C1R: variants seen among roughly 807,000 people sequenced by gnomAD.
The protein encoded by C1R is complement C1r subcomponent.
Under a neutral mutation model 27.6 loss-of-function variants are expected in C1R, and 15 were observed. The ratio of observed to expected loss-of-function variants is 0.54; its 90% CI spans 0.36 to 0.84. The LOEUF (loss-of-function observed/expected upper bound fraction) is 0.84. Ranked by LOEUF, C1R falls within the 40% of genes least tolerant of loss-of-function variation. The probability of loss-of-function intolerance (pLI) is 0.01; values close to 1 mark genes in which losing one functional copy is unlikely to be tolerated. For missense variants in C1R, 544 were observed against 577.9 expected (o/e 0.94, Z 0.60); for synonymous variants, 253 against 228.8 (o/e 1.11, Z -0.95).
Position 7,088,327 on chromosome 12 carries a change from C to T in C1R, c.1038+283G>A, listed in dbSNP as rs757190456. On this transcript the variant is annotated intron_variant, in intron 7 of 10. Coordinates refer to ENST00000647956, the MANE Select transcript of C1R (RefSeq NM_001733.7). ...GGCCCTCATCTTCAGTATTTATTTG[C>T]TTATTTTTATTTTTCAGAGACAGAG... 8 of 647,828 alleles carry T rather than the reference C, an allele frequency of 1.2e-5. No homozygotes were observed. The South Asian group carries it at 1.4e-4, about 11-fold the overall frequency. The allele number at this position is 647,828 out of a possible 1,614,324, so 40.1% of individuals were successfully genotyped here.
chr12:7,080,219 TG>T lies in C1R; in HGVS notation c.*312del. 1 of 863,036 alleles carries T rather than the reference TG, an allele frequency of 1.2e-6. No homozygotes were observed. Among genetic ancestry groups the T allele is most frequent in the Non-Finnish European group, 1.4e-6 (1 of 704,012 alleles). The allele number at this position is 863,036 out of a possible 1,614,324, so 53.5% of individuals were successfully genotyped here. A position where few individuals can be genotyped will look rare whatever the true frequency, so the allele number is the denominator to read the frequency against. On this transcript the variant is annotated 3_prime_UTR_variant, in exon 11 of 11. Transcript: ENST00000647956. The surrounding 1 kb of genome is among the most constrained non-coding windows in gnomAD (Gnocchi z 4.9). ...ACAACTTTTGACTCATTTTGCACAC[TG>T]GCATTTCTCATAAAACTTTATTTGG...
In C1R at chr12:7,090,456, G is replaced by A. The variant is rs114496442; in HGVS notation, c.232-208C>T. On this transcript the variant is annotated intron_variant, in intron 2 of 10. Coordinates refer to ENST00000647956, the MANE Select transcript of C1R (RefSeq NM_001733.7). Reference sequence around the variant, plus strand: ...AGTCTCCCACTGACTCACTCTTTGCGTGTTGTCCTGGACTGGGTACCTCAC... The same window carrying A: ...AGTCTCCCACTGACTCACTCTTTGCATGTTGTCCTGGACTGGGTACCTCAC... 1.6e-3 allele frequency: 925 copies of A among 585,012 alleles called. 9 individuals are homozygous for A. The highest frequency in any genetic ancestry group is 0.015 in the African/African-American group (784 of 53,626). The allele number at this position is 585,012 out of a possible 1,614,324, so 36.2% of individuals were successfully genotyped here. A position where few individuals can be genotyped will look rare whatever the true frequency, so the allele number is the denominator to read the frequency against.
At chr12:7,081,983 T>G in intron 10 of C1R, 49 bp downstream of exon 10, 1 of 1,502,896 alleles carries the variant, frequency 6.7e-7, no homozygotes, top group Non-Finnish European at 8.9e-7. Flanking sequence ...TTTGAGGCCC[T>G]GCAGGCTGCT....
rs1244966211 is a variant in C1R at position 7,080,575 on chromosome 12, T to C, written c.2075A>G (p.Asn692Ser). The C allele has an allele frequency of 1.9e-6, 3 of 1,601,342 alleles. No homozygotes were observed. The highest frequency in any genetic ancestry group is 1.7e-5 in the Admixed American group (1 of 59,490). ...CTCTTTCTTGATCCAGTCCACGTAG[T>C]TGAGCACTTTGGTGTAGAAGCCATA... ...RGYGFYTKVL[N>S]YVDWIKKEME... The change falls in exon 11 of 11, where the codon AAC (asparagine) becomes AGC (serine). Residue 692 changes from asparagine to serine, a missense_variant. Asn to Ser is a conservative substitution (Grantham distance 46, BLOSUM62 1). Transcript: ENST00000647956. This position sits in a 1 kb window ranked among gnomAD's most constrained non-coding sequence, Gnocchi z 4.9.
chr12:7,088,032 G>T (rs753843851), intron 7 of C1R, among the ~76,000 whole-genome samples: 1 of 152,258 alleles, frequency 6.6e-6, no homozygotes, highest in South Asian at 2.1e-4. Context: ...GACGGTGGGC[G>T]CAGGGGGAGA....
At chr12:7,092,178 C>T (rs1938292547) in intron 1 of C1R, 1 of 634,290 alleles carries the variant, frequency 1.6e-6, no homozygotes, top group Admixed American at 2.5e-5. Flanking sequence ...GAAGAAAGGA[C>T]CATGGCATGA....
chr12:7,082,498 A>AT (rs1938082750), intron 9 of C1R, among the ~76,000 whole-genome samples: 1 of 151,866 alleles, frequency 6.6e-6, no homozygotes, highest in African/African-American at 2.4e-5. Context: ...TGCCCGGCTA[A>AT]TTTTTTGTAT....
Position 7,088,550 on chromosome 12 carries a change from C to A in C1R, c.1038+60G>T, listed in dbSNP as rs754535067. On this transcript the variant is annotated intron_variant, in intron 7 of 10. Coordinates refer to ENST00000647956, the MANE Select transcript of C1R (RefSeq NM_001733.7). ...TGAGACTAAATCCTCTGTGAACCCACCACCTGAATTCCTCCTGGGGTGCTG... is the reference window on the plus strand; with the variant it reads ...TGAGACTAAATCCTCTGTGAACCCAACACCTGAATTCCTCCTGGGGTGCTG... The A allele has an allele frequency of 9.5e-5, 68 of 718,514 alleles. 1 individual carries two copies. In the South Asian group the frequency reaches 9.6e-4, roughly 10 times the overall value. The allele number at this position is 718,514 out of a possible 1,614,324, so 44.5% of individuals were successfully genotyped here. A position where few individuals can be genotyped will look rare whatever the true frequency, so the allele number is the denominator to read the frequency against.
intron 2 of C1R, among the ~76,000 whole-genome samples, chr12:7,090,696 C>G (rs1365090274): frequency 6.6e-6 from 1 of 152,188 alleles, no homozygotes; most frequent in Non-Finnish European, 1.5e-5. Context: ...CTGATGCCCT[C>G]GGCGGAACAT....
chr12:7,081,564 C>T, intron 10 of C1R, among the ~76,000 whole-genome samples: 1 of 151,804 alleles, frequency 6.6e-6, no homozygotes, highest in Middle Eastern at 3.2e-3. Flanking sequence ...GCGATTTCAG[C>T]TCACTGCAAC....
At chr12:7,089,889 C>A in intron 3 of C1R, 156 bp from the exon 4 acceptor site, 1 of 710,306 alleles carries the variant, frequency 1.4e-6, no homozygotes, top group Non-Finnish European at 2.6e-6. Flanking sequence ...GGGACTGCTC[C>A]ATGGGGACAG....
chr12:7,086,718 C>T (rs1440796503), intron 7 of C1R: 22 of 327,556 alleles, frequency 6.7e-5, no homozygotes, highest in Non-Finnish European at 1.0e-4. Flanking sequence ...TCTCTCTAGA[C>T]TGTGGCCTGT....
chr12:7,083,333 T>A (rs993935961), intron 9 of C1R, among the ~76,000 whole-genome samples: 107 of 1,870 alleles, frequency 0.057, 1 homozygote, highest in South Asian at 0.25. Flanking sequence ...GGTAATGGTG[T>A]TGGTGGTGAT....
At position 7,081,310 on chromosome 12, in the gene C1R, G is replaced by A. The variant is rs779579504; in HGVS notation, c.1349-9C>T. On this transcript the variant is annotated splice_polypyrimidine_tract_variant and intron_variant, in intron 10 of 10. Transcript: ENST00000647956. Reference sequence around the variant, plus strand: ...CACGGGCTTCCCACACACTGAGGGAGAGACAGGGAAGACAAGGGCAAGTCA... The same window carrying A: ...CACGGGCTTCCCACACACTGAGGGAAAGACAGGGAAGACAAGGGCAAGTCA... 5.0e-6 allele frequency: 8 copies of A among 1,606,272 alleles called. No individual in the cohort carries two copies. Among genetic ancestry groups the A allele is most frequent in the Admixed American group, 1.7e-5 (1 of 58,900 alleles).
At position 7,080,565 on chromosome 12, in the gene C1R, G is replaced by A. The variant is rs773573919; in HGVS notation, c.2085C>T (p.Asp695=). Reference sequence around the variant, plus strand: ...CCTCCTCCATCTCTTTCTTGATCCAGTCCACGTAGTTGAGCACTTTGGTGT... The same window carrying A: ...CCTCCTCCATCTCTTTCTTGATCCAATCCACGTAGTTGAGCACTTTGGTGT... The part of the protein sequence containing the change: ...GFYTKVLNYV[D]WIKKEMEEED The change falls in exon 11 of 11, where the codon GAC becomes GAT. Residue 695 remains aspartate, a synonymous_variant. Coordinates refer to ENST00000647956, the MANE Select transcript of C1R (RefSeq NM_001733.7). This position sits in a 1 kb window ranked among gnomAD's most constrained non-coding sequence, Gnocchi z 4.9. 6.3e-7 allele frequency: 1 copy of A among 1,590,568 alleles called. No homozygotes were observed. Among genetic ancestry groups the A allele is most frequent in the Non-Finnish European group, 8.6e-7 (1 of 1,165,674 alleles).
At chr12:7,088,791 C>T (rs369370622) in intron 6 of C1R, 48 bp downstream of exon 6, 13 of 774,470 alleles carry the variant, frequency 1.7e-5, no homozygotes, top group Non-Finnish European at 3.1e-5. Context: ...CTTCTTCCCC[C>T]CTTTTCCCCA....
chr12:7,081,045 G>A lies in C1R; in HGVS notation c.1605C>T (p.His535=), dbSNP rs375665333. The change falls in exon 11 of 11, where the codon CAC becomes CAT. Residue 535 remains histidine, a synonymous_variant. Transcript: ENST00000647956. ...GGTGGACGCTGACCCTGCGGATGGG[G>A]TGATTTCCTAGCTTCATGAGCTCTT... is the stretch of plus-strand genomic sequence containing the variant. The part of the protein sequence containing the change: ...NVEELMKLGN[H]PIRRVSVHPD... The A allele has an allele frequency of 3.7e-6, 6 of 1,614,052 alleles. No homozygotes were observed. Among genetic ancestry groups the A allele is most frequent in the Admixed American group, 1.7e-5 (1 of 60,036 alleles).
Position 7,091,850 on chromosome 12 carries a change from G to A in C1R, c.3-170C>T, listed in dbSNP as rs1938284267. ...CAGGGGTGCGTGGGTGGGGAGGATG[G>A]CCTGTGCAGCTGCTGCATCGGGTCA... On this transcript the variant is annotated intron_variant, in intron 1 of 10. Transcript: ENST00000647956. This position sits in a 1 kb window ranked among gnomAD's most constrained non-coding sequence, Gnocchi z 5.1. 1.4e-6 allele frequency: 1 copy of A among 699,734 alleles called. No homozygotes were observed. The highest frequency in any genetic ancestry group is 2.6e-6 in the Non-Finnish European group (1 of 383,438). 43.3% of individuals were successfully genotyped at this position (699,734 alleles called of 1,614,324 possible).
rs116216595 is a variant in C1R at position 7,092,291 on chromosome 12, A to G, written c.2+96T>C. On this transcript the variant is annotated intron_variant, in intron 1 of 10. Transcript: ENST00000647956. ...AGTGGAACTGATGAGGTGTGTGAAG[A>G]GAGAAGGGTGTTCCTGTCTCCCTGA... 4.1e-4 allele frequency: 317 copies of G among 775,084 alleles called. No homozygotes were observed. In the African/African-American group the frequency reaches 4.5e-3, roughly 11 times the overall value. The allele number at this position is 775,084 out of a possible 1,614,324, so 48.0% of individuals were successfully genotyped here.
Sources: allele counts gnomAD v4.1 joint callset (sites outside exome capture counted in the v4.1 genomes callset), GRCh38; gene constraint gnomAD v4.1.1; non-coding constraint Gnocchi (gnomAD v3.1); transcripts MANE v1.5; gene names NCBI Gene and HGNC (gene_info 2026-07-23, HGNC 2026-07-21).